The following CSMD1 variants were observed in gnomAD, a reference collection of about 807,000 sequenced individuals.
CSMD1 encodes the protein CUB and sushi domain-containing protein 1.
Under a neutral mutation model 417.5 loss-of-function variants are expected in CSMD1, and 213 were observed. That is an observed-to-expected ratio of 0.51 (90% CI 0.46 to 0.57). The LOEUF (loss-of-function observed/expected upper bound fraction) is 0.57, where lower values mean the gene tolerates loss of function less well. CSMD1 is among the 20% of genes least tolerant of loss of function. The pLI is 0.00. For missense variants in CSMD1, 6,923 were observed against 4,529.7 expected (o/e 1.53, Z -15.17); for synonymous variants, 2,862 against 1,736.8 (o/e 1.65, Z -16.11).
At position 4,702,131 on chromosome 8, in the gene CSMD1, G is replaced by A. The variant is rs536812997; in HGVS notation, c.86-64573C>T. ...CAGGGATGAGGTGGGCGAAGGTAGA[G>A]CACTAGGAAAAATAGCTAATGAATG... On this transcript the variant is annotated intron_variant, in intron 1 of 69. Coordinates refer to ENST00000635120, the MANE Select transcript of CSMD1 (RefSeq NM_033225.6). 2.6e-5 allele frequency among the ~76,000 whole-genome samples: 4 copies of A among 152,320 alleles called. No homozygotes were observed. The East Asian group carries it at 7.7e-4, about 29-fold the overall frequency.
intron 1 of CSMD1, among the ~76,000 whole-genome samples, chr8:4,948,841 GA>G (rs1047766886): frequency 9.9e-5 from 15 of 152,008 alleles, no homozygotes. Flanking sequence ...AGGATTTTTA[GA>G]AAAGGTTATG....
intron 7 of CSMD1, among the ~76,000 whole-genome samples, chr8:3,622,690 C>G (rs188781641): frequency 1.0e-3 from 155 of 152,284 alleles, no homozygotes; most frequent in African/African-American, 3.6e-3. Flanking sequence ...AGGCGATTTT[C>G]TGAAACAGAG....
At chr8:4,028,735 T>C (rs904034505) in intron 4 of CSMD1, among the ~76,000 whole-genome samples, 1 of 152,210 alleles carries the variant, frequency 6.6e-6, no homozygotes, top group Non-Finnish European at 1.5e-5. Context: ...GTGTTAATAA[T>C]TATTACATTA....
At chr8:4,715,544 A>G (rs1389827757) in intron 1 of CSMD1, among the ~76,000 whole-genome samples, 2 of 152,164 alleles carry the variant, frequency 1.3e-5, no homozygotes, top group African/African-American at 2.4e-5. Flanking sequence ...TTGCACGTAT[A>G]TATATCCAAC....
At chr8:4,001,219 C>T (rs1240112820) in intron 4 of CSMD1, among the ~76,000 whole-genome samples, 1 of 152,124 alleles carries the variant, frequency 6.6e-6, no homozygotes, top group Non-Finnish European at 1.5e-5. Flanking sequence ...TTAACCGATT[C>T]TTCTGGGAAA....
At chr8:4,371,904 G>C (rs952171199) in intron 3 of CSMD1, among the ~76,000 whole-genome samples, 3 of 152,240 alleles carry the variant, frequency 2.0e-5, no homozygotes, top group African/African-American at 7.2e-5. Context: ...GTTAAGAAGG[G>C]AAGTGTGGAT....
intron 3 of CSMD1, among the ~76,000 whole-genome samples, chr8:4,346,107 G>C (rs1211423927): frequency 1.3e-5 from 2 of 152,078 alleles, no homozygotes; most frequent in East Asian, 1.9e-4. Flanking sequence ...GAAATCTTCA[G>C]CATTAGAAAG....
At chr8:3,858,522 G>C (rs1355002930) in intron 5 of CSMD1, among the ~76,000 whole-genome samples, 2 of 152,098 alleles carry the variant, frequency 1.3e-5, no homozygotes, top group South Asian at 2.1e-4. Flanking sequence ...ACTTAATTTT[G>C]AATAAAAGTG....
intron 12 of CSMD1, among the ~76,000 whole-genome samples, chr8:3,458,452 G>C (rs547945578): frequency 6.6e-6 from 1 of 152,234 alleles, no homozygotes; most frequent in Non-Finnish European, 1.5e-5. Context: ...AGACTGTCCT[G>C]AATGTCAGCA....
At chr8:3,394,679 A>G (rs915630997) in intron 17 of CSMD1, among the ~76,000 whole-genome samples, 1 of 152,076 alleles carries the variant, frequency 6.6e-6, no homozygotes, top group South Asian at 2.1e-4. Context: ...CTTATTAGGG[A>G]TCTTACAAAT....
At chr8:4,920,968 AAGAAAGAAAGAAAC>A (rs1806435405) in intron 1 of CSMD1, among the ~76,000 whole-genome samples, 1 of 5,822 alleles carries the variant, frequency 1.7e-4, no homozygotes, top group South Asian at 8.8e-3. Flanking sequence ...GAAAGAAAGA[AAGAAAGAAAGAAAC>A]AAAGAAAGAA....
chr8:4,221,588 G>T (rs1296916315), intron 3 of CSMD1, among the ~76,000 whole-genome samples: 2 of 152,092 alleles, frequency 1.3e-5, no homozygotes, highest in Non-Finnish European at 2.9e-5. Flanking sequence ...TGTGAAAACA[G>T]TGCTCCAAAA....
chr8:3,408,305 T>C (rs1812475526), intron 13 of CSMD1, 80 bp from the exon 14 acceptor site: 1 of 1,103,858 alleles, frequency 9.1e-7, no homozygotes, highest in Non-Finnish European at 1.3e-6. Flanking sequence ...GCTAAGAACC[T>C]GGAAAGGCAA....
At chr8:3,918,065 T>G (rs1185518976) in intron 5 of CSMD1, among the ~76,000 whole-genome samples, 2 of 152,250 alleles carry the variant, frequency 1.3e-5, no homozygotes, top group South Asian at 4.1e-4. Flanking sequence ...TTTCATTGTA[T>G]ATTCCACTTT....
At chr8:4,298,859 T>C (rs1187378310) in intron 3 of CSMD1, among the ~76,000 whole-genome samples, 1 of 152,084 alleles carries the variant, frequency 6.6e-6, no homozygotes, top group African/African-American at 2.4e-5. Context: ...GAAATACTGG[T>C]ATAATTCTTT....
intron 1 of CSMD1, among the ~76,000 whole-genome samples, chr8:4,855,875 C>A (rs938404540): frequency 8.6e-5 from 13 of 150,394 alleles, no homozygotes; most frequent in Non-Finnish European, 1.8e-4. Flanking sequence ...CCCAATCTAG[C>A]AAGGCAGGCC....
At chr8:3,780,414 C>T (rs373248324) in intron 5 of CSMD1, among the ~76,000 whole-genome samples, 1 of 152,182 alleles carries the variant, frequency 6.6e-6, no homozygotes, top group Non-Finnish European at 1.5e-5. Flanking sequence ...CACACATTAT[C>T]AACACTGCTG....
chr8:3,746,448 T>C (rs1797069036), intron 6 of CSMD1, among the ~76,000 whole-genome samples: 1 of 152,220 alleles, frequency 6.6e-6, no homozygotes, highest in Non-Finnish European at 1.5e-5. Flanking sequence ...GGATTTAAAG[T>C]GGTTTTATAT....
chr8:3,882,555 C>G (rs1213524771), intron 5 of CSMD1, among the ~76,000 whole-genome samples: 2 of 152,170 alleles, frequency 1.3e-5, no homozygotes, highest in African/African-American at 4.8e-5. Context: ...CATCCTTAGG[C>G]ATATACCCAA....
Sources: gnomAD v4.1 joint callset for allele counts (sites outside exome capture counted in the v4.1 genomes callset) on GRCh38, gnomAD v4.1.1 for gene constraint, MANE v1.5 for transcripts, NCBI Gene and HGNC (gene_info 2026-07-23, HGNC 2026-07-21) for gene names.